GRID2: variants seen among roughly 807,000 people sequenced by gnomAD.
GRID2 encodes glutamate receptor ionotropic, delta-2.
In GRID2, 33 loss-of-function variants were observed where a neutral mutation model predicts 114.8. The observed-to-expected ratio is 0.29, with a 90% CI of 0.22 to 0.38. The LOEUF (loss-of-function observed/expected upper bound fraction) is 0.38. Among genes scored for constraint, GRID2 ranks in the 10% least tolerant of loss-of-function variants. The pLI is 1.00. For synonymous variants in GRID2, 505 were observed against 449.9 expected (o/e 1.12, Z -1.55); for missense variants, 1,184 against 1,257.7 (o/e 0.94, Z 0.89).
intron 8 of GRID2, among the ~76,000 whole-genome samples, chr4:93,305,723 G>C (rs1755348307): frequency 6.6e-6 from 1 of 152,120 alleles, no homozygotes; most frequent in South Asian, 2.1e-4. Flanking sequence ...CCAAGTCAAT[G>C]GAACAGGAGC....
At chr4:93,643,426 T>A (rs1291261121) in intron 14 of GRID2, among the ~76,000 whole-genome samples, 1 of 32,270 alleles carries the variant, frequency 3.1e-5, no homozygotes, top group Non-Finnish European at 4.9e-5. Context: ...GTTCTGTTTT[T>A]TCACCATCTT....
chr4:92,773,379 C>T (rs1158395070), intron 2 of GRID2, among the ~76,000 whole-genome samples: 1 of 152,128 alleles, frequency 6.6e-6, no homozygotes, highest in Non-Finnish European at 1.5e-5. Context: ...CTTTTCACTT[C>T]ATTGTATTTT....
At chr4:93,423,015 T>C (rs200336828) in intron 10 of GRID2, 47 bp downstream of exon 10, 1 of 1,286,442 alleles carries the variant, frequency 7.8e-7, no homozygotes, top group African/African-American at 1.5e-5. Context: ...GGTTCAATTA[T>C]TTGTCTCATA....
At chr4:93,216,975 T>G in intron 6 of GRID2, 64 bp downstream of exon 6, 1 of 1,077,282 alleles carries the variant, frequency 9.3e-7, no homozygotes, top group Non-Finnish European at 1.4e-6. Flanking sequence ...AAGGAGAGCT[T>G]TATGAGTTGC....
intron 13 of GRID2, among the ~76,000 whole-genome samples, chr4:93,591,468 T>C (rs2149614025): frequency 6.6e-6 from 1 of 152,308 alleles, no homozygotes; most frequent in South Asian, 2.1e-4. Context: ...CAGTATTTTA[T>C]TGAGGATTTT....
chr4:92,434,415 T>C (rs949681568), intron 1 of GRID2, among the ~76,000 whole-genome samples: 27 of 152,296 alleles, frequency 1.8e-4, no homozygotes, highest in African/African-American at 6.3e-4. Flanking sequence ...GCGTTAAACA[T>C]AACCTAACAA....
intron 2 of GRID2, among the ~76,000 whole-genome samples, chr4:92,971,286 T>G (rs1275679947): frequency 6.6e-6 from 1 of 152,066 alleles, no homozygotes; most frequent in Non-Finnish European, 1.5e-5. Context: ...AGCAGGGACA[T>G]AGGCACTTTA....
chr4:93,202,193 G>A (rs1471934422), intron 4 of GRID2, among the ~76,000 whole-genome samples: 2 of 152,134 alleles, frequency 1.3e-5, no homozygotes, highest in African/African-American at 2.4e-5. Context: ...ATTAAATAGA[G>A]TCCTCATTGG....
chr4:93,383,704 G>C (rs777807717), intron 8 of GRID2, among the ~76,000 whole-genome samples: 1 of 152,068 alleles, frequency 6.6e-6, no homozygotes, highest in Non-Finnish European at 1.5e-5. Context: ...ATGTCCTCTG[G>C]ATGGGGATGC....
intron 1 of GRID2, among the ~76,000 whole-genome samples, chr4:92,560,088 G>A (rs1373725942): frequency 6.6e-6 from 1 of 152,114 alleles, no homozygotes; most frequent in Non-Finnish European, 1.5e-5. Flanking sequence ...CATTTTAGGA[G>A]TTCTAAATGA....
At chr4:93,558,806 T>A (rs1376775371) in intron 13 of GRID2, among the ~76,000 whole-genome samples, 1 of 151,992 alleles carries the variant, frequency 6.6e-6, no homozygotes, top group Non-Finnish European at 1.5e-5. Flanking sequence ...CAGACCAATA[T>A]CCTAATGAAC....
intron 13 of GRID2, among the ~76,000 whole-genome samples, chr4:93,589,612 C>T (rs1737956740): frequency 6.6e-6 from 1 of 151,748 alleles, no homozygotes; most frequent in African/African-American, 2.4e-5. Flanking sequence ...GTTCTAGATC[C>T]CTGAGGAATC....
chr4:93,810,194 T>A (rs1407892201), downstream of GRID2: 1 of 152,192 alleles, frequency 6.6e-6, no homozygotes. Flanking sequence ...TACATCCTAG[T>A]TTCTTTTTCA....
chr4:93,267,672 T>G (rs538519051), intron 8 of GRID2, among the ~76,000 whole-genome samples: 1 of 152,172 alleles, frequency 6.6e-6, no homozygotes, highest in East Asian at 1.9e-4. Flanking sequence ...ACCCTCTCAG[T>G]CCAGTCCCAC....
chr4:92,676,559 T>A (rs577312831), intron 2 of GRID2, among the ~76,000 whole-genome samples: 2 of 152,248 alleles, frequency 1.3e-5, no homozygotes, highest in South Asian at 4.1e-4. Context: ...TGTATGTCCT[T>A]GAAGTTCACT....
At chr4:93,285,571 GAT>G (rs1207599001) in intron 8 of GRID2, among the ~76,000 whole-genome samples, 1 of 151,986 alleles carries the variant, frequency 6.6e-6, no homozygotes, top group Non-Finnish European at 1.5e-5. Flanking sequence ...TTAAAACATA[GAT>G]GATTATACAC....
chr4:93,082,146 G>A (rs567952995), intron 2 of GRID2, among the ~76,000 whole-genome samples: 18 of 152,300 alleles, frequency 1.2e-4, no homozygotes, highest in African/African-American at 4.3e-4. Context: ...GTGCACAACT[G>A]CGGCTTTGTT....
At chr4:92,361,103 A>C (rs996971740) in intron 1 of GRID2, among the ~76,000 whole-genome samples, 6 of 151,956 alleles carry the variant, frequency 3.9e-5, no homozygotes, top group Admixed American at 3.9e-4. Context: ...CTTTAACTCC[A>C]ACTAAAACTC....
chr4:93,706,753 G>A (rs1256893179), intron 14 of GRID2, among the ~76,000 whole-genome samples: 2 of 152,110 alleles, frequency 1.3e-5, no homozygotes, highest in African/African-American at 4.8e-5. Context: ...GTACTCTGTT[G>A]AGTAACAGTG....
Sources: allele counts gnomAD v4.1 joint callset (sites outside exome capture counted in the v4.1 genomes callset), GRCh38; gene constraint gnomAD v4.1.1; transcripts MANE v1.5; gene names NCBI Gene and HGNC (gene_info 2026-07-23, HGNC 2026-07-21).